PARPBP: variants seen among roughly 807,000 people sequenced by gnomAD.
PARPBP encodes the protein PCNA-interacting partner.
In PARPBP, 52 loss-of-function variants were observed where a neutral mutation model predicts 50.0. That is an observed-to-expected ratio of 1.04 (90% CI 0.83 to 1.31). The LOEUF (loss-of-function observed/expected upper bound fraction) is 1.31, where lower values mean the gene tolerates loss of function less well. Among genes scored for constraint, PARPBP ranks in the 50% most tolerant of loss-of-function variants. The pLI is 0.00. For missense variants in PARPBP, 697 were observed against 672.0 expected (o/e 1.04, Z -0.41); for synonymous variants, 244 against 232.1 (o/e 1.05, Z -0.47).
chr12:102,149,153 ATAAC>A (rs1885854965), intron 3 of PARPBP: 1 of 152,216 alleles, frequency 6.6e-6, no homozygotes, highest in African/African-American at 2.4e-5. Flanking sequence ...GTGGCAATAA[ATAAC>A]TGAAGCTGGA....
chr12:102,188,119 G>A (rs924880631), intron 9 of PARPBP, among the ~76,000 whole-genome samples: 1 of 152,122 alleles, frequency 6.6e-6, no homozygotes, highest in Non-Finnish European at 1.5e-5. Flanking sequence ...GGAAACTTTA[G>A]CAGTCCTAAA....
In PARPBP at chr12:102,197,319, G is replaced by GA. The variant is rs1205295289; in HGVS notation, c.*1034dup. Reference sequence around the variant, plus strand: ...ATACCTTAGATGCAAATTTATAGGAGAAAAAACACTTTCAGATAAGAGGTG... The same window carrying GA: ...ATACCTTAGATGCAAATTTATAGGAGAAAAAAACACTTTCAGATAAGAGGTG... On this transcript the variant is annotated 3_prime_UTR_variant, in exon 11 of 11. Coordinates refer to ENST00000327680, the MANE Select transcript of PARPBP (RefSeq NM_017915.5). 1 of 835,230 alleles carries GA rather than the reference G, an allele frequency of 1.2e-6. No homozygotes were observed. The highest frequency in any genetic ancestry group is 1.8e-6 in the Non-Finnish European group (1 of 548,300). 51.7% of individuals were successfully genotyped at this position (835,230 alleles called of 1,614,324 possible).
At chr12:102,163,111 G>A (rs757224010) in intron 4 of PARPBP, among the ~76,000 whole-genome samples, 4 of 152,218 alleles carry the variant, frequency 2.6e-5, no homozygotes, top group Non-Finnish European at 2.9e-5. Flanking sequence ...TGAAAAGACT[G>A]TCTTTTCTTC....
intron 2 of PARPBP, among the ~76,000 whole-genome samples, chr12:102,141,491 G>A (rs1884591165): frequency 6.6e-6 from 1 of 152,128 alleles, no homozygotes; most frequent in Non-Finnish European, 1.5e-5. Flanking sequence ...TTACATTTGA[G>A]TTTAATATTG....
chr12:102,128,650 G>A (rs1322139192), intron 2 of PARPBP, among the ~76,000 whole-genome samples: 2 of 152,184 alleles, frequency 1.3e-5, no homozygotes, highest in African/African-American at 4.8e-5. Context: ...TGTTACAAAT[G>A]ACAGGATTTC....
intron 9 of PARPBP, among the ~76,000 whole-genome samples, chr12:102,186,620 A>AT: frequency 6.6e-6 from 1 of 152,202 alleles, no homozygotes; most frequent in African/African-American, 2.4e-5. Context: ...TTATTAAATG[A>AT]TTTTTCAAGG....
At chr12:102,164,400 CT>C in intron 4 of PARPBP, 37 bp from the exon 5 acceptor site, 1 of 1,460,652 alleles carries the variant, frequency 6.8e-7, no homozygotes, top group Non-Finnish European at 9.5e-7. Flanking sequence ...TTTAGAAGAA[CT>C]GCAATAAAGA....
intron 4 of PARPBP, among the ~76,000 whole-genome samples, chr12:102,161,137 A>AT (rs2139429580): frequency 6.6e-6 from 1 of 151,848 alleles, no homozygotes; most frequent in East Asian, 1.9e-4. Flanking sequence ...AGACAGTCTC[A>AT]TTCTGTCGCT....
At chr12:102,193,475 C>G (rs1594641604) in intron 9 of PARPBP, among the ~76,000 whole-genome samples, 1 of 152,014 alleles carries the variant, frequency 6.6e-6, no homozygotes, top group East Asian at 1.9e-4. Context: ...GCCAGCCACT[C>G]AGCATCTATT....
intron 2 of PARPBP, among the ~76,000 whole-genome samples, chr12:102,142,339 G>T (rs1884735349): frequency 6.6e-6 from 1 of 152,236 alleles, no homozygotes; most frequent in Non-Finnish European, 1.5e-5. Flanking sequence ...GCTCCATCAG[G>T]TCATTTAAGG....
At position 102,197,442 on chromosome 12, in the gene PARPBP, A is replaced by T. The variant is rs1891412375; in HGVS notation, c.*1151A>T. ...TGCATATACTTCTGTTTATAAAAGTATCAGTTTTACTTTTCAGAGGATTTG... is the reference window on the plus strand; with the variant it reads ...TGCATATACTTCTGTTTATAAAAGTTTCAGTTTTACTTTTCAGAGGATTTG... On this transcript the variant is annotated 3_prime_UTR_variant, in exon 11 of 11. Transcript: ENST00000327680. 7.1e-6 allele frequency: 9 copies of T among 1,275,438 alleles called. No homozygotes were observed. The highest frequency in any genetic ancestry group is 9.8e-6 in the Non-Finnish European group (9 of 921,230). The allele number at this position is 1,275,438 out of a possible 1,614,324, so 79.0% of individuals were successfully genotyped here. A position where few individuals can be genotyped will look rare whatever the true frequency, so the allele number is the denominator to read the frequency against.
chr12:102,160,555 G>A (rs577425849), intron 4 of PARPBP, among the ~76,000 whole-genome samples: 2 of 152,324 alleles, frequency 1.3e-5, no homozygotes, highest in African/African-American at 4.8e-5. Flanking sequence ...TTGTGTCTTA[G>A]ACTATTGCAC....
At position 102,182,596 on chromosome 12, in the gene PARPBP, T is replaced by A. The variant is rs748420856; in HGVS notation, c.1232T>A (p.Ile411Asn). The A allele has an allele frequency of 1.2e-6, 2 of 1,611,756 alleles. No individual in the cohort carries two copies. Among genetic ancestry groups the A allele is most frequent in the South Asian group, 1.1e-5 (1 of 90,974 alleles). ...NNSIKPLRER[I>N]CVSMQEKKIK... is the part of the protein sequence containing the mutation. ...TCGATAAAACCCCTAAGAGAACGCA[T>A]CTGTGTGTCAATGCAAGAGAAAAAA... The change falls in exon 9 of 11, where the codon ATC (isoleucine) becomes AAC (asparagine). Residue 411 changes from isoleucine to asparagine, a missense_variant. By Grantham distance (149) the Ile-to-Asn change is moderately radical (BLOSUM62 -3). Transcript: ENST00000327680.
At chr12:102,180,593 C>T (rs1889730426) in intron 8 of PARPBP, among the ~76,000 whole-genome samples, 1 of 152,118 alleles carries the variant, frequency 6.6e-6, no homozygotes, top group Non-Finnish European at 1.5e-5. Context: ...GTACCAGCTA[C>T]TTGGGAGCCT....
At chr12:102,143,663 CATT>C (rs1421801297) in intron 2 of PARPBP, among the ~76,000 whole-genome samples, 1 of 152,158 alleles carries the variant, frequency 6.6e-6, no homozygotes, top group Non-Finnish European at 1.5e-5. Flanking sequence ...CTTTTGACGT[CATT>C]ATATGGCGAA....
At position 102,196,321 on chromosome 12, in the gene PARPBP, T is replaced by G; in HGVS notation, c.*30T>G. Reference sequence around the variant, plus strand: ...GTGTCTTATATGCTTTAGGTTTATGTATCTATAAACCATTCACCAAAGACA... The same window carrying G: ...GTGTCTTATATGCTTTAGGTTTATGGATCTATAAACCATTCACCAAAGACA... On this transcript the variant is annotated 3_prime_UTR_variant, in exon 11 of 11. Coordinates refer to ENST00000327680, the MANE Select transcript of PARPBP (RefSeq NM_017915.5). 8 of 1,341,548 alleles carry G rather than the reference T, an allele frequency of 6.0e-6. No individual in the cohort carries two copies. The highest frequency in any genetic ancestry group is 8.2e-6 in the Non-Finnish European group (8 of 970,740). The allele number at this position is 1,341,548 out of a possible 1,614,324, so 83.1% of individuals were successfully genotyped here. A position where few individuals can be genotyped will look rare whatever the true frequency, so the allele number is the denominator to read the frequency against.
intron 4 of PARPBP, chr12:102,155,243 A>G (rs1327880833): frequency 6.5e-6 from 1 of 154,810 alleles, no homozygotes; most frequent in Non-Finnish European, 1.4e-5. Flanking sequence ...AGATCACACC[A>G]CTGCACTCCA....
At chr12:102,147,229 G>T (rs988597392) in intron 2 of PARPBP, among the ~76,000 whole-genome samples, 1 of 152,012 alleles carries the variant, frequency 6.6e-6, no homozygotes, top group Non-Finnish European at 1.5e-5. Context: ...TATACCCAAG[G>T]GACTATAAAT....
At chr12:102,177,685 A>G (rs1011243158) in intron 7 of PARPBP, among the ~76,000 whole-genome samples, 8 of 152,282 alleles carry the variant, frequency 5.3e-5, no homozygotes, top group African/African-American at 1.9e-4. Flanking sequence ...AATATATTTT[A>G]CACATTGCCA....
Sources: allele counts gnomAD v4.1 joint callset (sites outside exome capture counted in the v4.1 genomes callset), GRCh38; gene constraint gnomAD v4.1.1; transcripts MANE v1.5; gene names NCBI Gene and HGNC (gene_info 2026-07-23, HGNC 2026-07-21).